Variants in SLC6A4 observed in about 807,000 individuals in gnomAD.
SLC6A4 encodes the protein solute carrier family 6 member 4.
Under a neutral mutation model 73.4 loss-of-function variants are expected in SLC6A4, and 22 were observed. The ratio of observed to expected loss-of-function variants is 0.30; its 90% CI spans 0.21 to 0.43. The LOEUF is 0.43. Ranked by LOEUF, SLC6A4 falls within the 20% of genes least tolerant of loss-of-function variation. SLC6A4 has a pLI of 1.00. For synonymous variants in SLC6A4, 270 were observed against 315.5 expected, an observed-to-expected ratio of 0.86 and a Z score of 1.53; for missense variants, 593 against 808.5, an observed-to-expected ratio of 0.73 and a Z score of 3.23.
rs184208973 is a variant in SLC6A4 at position 30,196,443 on chromosome 17, C to T, written c.*2013G>A. The T allele has an allele frequency of 3.3e-5, 5 of 151,872 alleles. No homozygotes were observed. Among genetic ancestry groups the T allele is most frequent in the East Asian group, 3.8e-4 (2 of 5,310 alleles). The allele number at this position is 151,872 out of a possible 1,614,324, so 9.4% of individuals were successfully genotyped here. Reference sequence around the variant, plus strand: ...TCCATTAATACCAGACTTGGCAAAACGCTAATTCTGTTTGAAAAGGTGTTT... The same window carrying T: ...TCCATTAATACCAGACTTGGCAAAATGCTAATTCTGTTTGAAAAGGTGTTT... On this transcript the variant is annotated 3_prime_UTR_variant, in exon 15 of 15. Transcript: ENST00000650711.
intron 1 of SLC6A4, among the ~76,000 whole-genome samples, chr17:30,224,267 G>T (rs1906862652): frequency 6.6e-6 from 1 of 151,072 alleles, no homozygotes; most frequent in Admixed American, 6.6e-5. Flanking sequence ...TGCCCAGGCT[G>T]GTGTGCAGTG....
At chr17:30,219,023 G>T in intron 3 of SLC6A4, 92 bp from the exon 4 acceptor site, 1 of 1,514,814 alleles carries the variant, frequency 6.6e-7, no homozygotes, top group Non-Finnish European at 9.1e-7. Context: ...GTCGCCGGAT[G>T]ATGTGAGTGT....
Position 30,209,136 on chromosome 17 carries a change from G to A in SLC6A4, c.1549+7C>T, listed in dbSNP as rs199915818. 8.3e-5 allele frequency: 133 copies of A among 1,605,016 alleles called. No individual in the cohort carries two copies. In the Admixed American group the frequency reaches 1.4e-3, roughly 17 times the overall value. On this transcript the variant is annotated splice_region_variant and intron_variant, in intron 12 of 14. Coordinates refer to ENST00000650711, the MANE Select transcript of SLC6A4 (RefSeq NM_001045.6). Reference sequence around the variant, plus strand: ...AGGGACCCAGCTGGCTGAAGGAAGCGTCTTACCATAGAACCAAGACACAGC... The same window carrying A: ...AGGGACCCAGCTGGCTGAAGGAAGCATCTTACCATAGAACCAAGACACAGC...
chr17:30,228,586 T>G (rs1444722101), intron 1 of SLC6A4, among the ~76,000 whole-genome samples: 1 of 152,134 alleles, frequency 6.6e-6, no homozygotes, highest in Non-Finnish European at 1.5e-5. Context: ...ATTCAAGAGA[T>G]CCACGTGGGC....
At chr17:30,225,753 G>A (rs1906905346) in intron 1 of SLC6A4, among the ~76,000 whole-genome samples, 1 of 152,154 alleles carries the variant, frequency 6.6e-6, no homozygotes, top group South Asian at 2.1e-4. Flanking sequence ...GCAGACAGAA[G>A]CTTCGTCCCC....
rs772426090 is a variant in SLC6A4 at position 30,203,167 on chromosome 17, C to T, written c.1818+5G>A. On this transcript the variant is annotated splice_donor_5th_base_variant and intron_variant, in intron 14 of 14. Transcript: ENST00000650711. ...ACACACATATACACACTAACTAGCACGTACCTCTTTAAATGTCCCTGGAGT... is the reference window on the plus strand; with the variant it reads ...ACACACATATACACACTAACTAGCATGTACCTCTTTAAATGTCCCTGGAGT... The T allele has an allele frequency of 3.1e-6, 5 of 1,608,964 alleles. No homozygotes were observed. In the African/African-American group the frequency reaches 4.0e-5, roughly 13 times the overall value.
intron 14 of SLC6A4, among the ~76,000 whole-genome samples, chr17:30,200,477 C>T (rs951544087): frequency 6.6e-5 from 10 of 152,226 alleles, no homozygotes; most frequent in African/African-American, 2.2e-4. Flanking sequence ...ATGACTCCAA[C>T]CGCAAGACTT....
At chr17:30,213,196 G>A (rs1463062073) in intron 8 of SLC6A4, among the ~76,000 whole-genome samples, 1 of 152,164 alleles carries the variant, frequency 6.6e-6, no homozygotes, top group African/African-American at 2.4e-5. Context: ...TGGAGTGGGG[G>A]CCAGGACAGG....
intron 1 of SLC6A4, among the ~76,000 whole-genome samples, chr17:30,233,159 C>T (rs1036732191): frequency 6.6e-6 from 1 of 152,168 alleles, no homozygotes; most frequent in Non-Finnish European, 1.5e-5. Context: ...GAGAAACAGG[C>T]GCTTTTATGA....
At chr17:30,213,973 T>C (rs867190550) in intron 8 of SLC6A4, among the ~76,000 whole-genome samples, 1 of 152,148 alleles carries the variant, frequency 6.6e-6, no homozygotes, top group Middle Eastern at 3.4e-3. Context: ...ACTCAAACTC[T>C]TAGGCTCAAG....
intron 14 of SLC6A4, among the ~76,000 whole-genome samples, chr17:30,202,124 A>G (rs16965581): frequency 0.086 from 13,013 of 152,106 alleles, 1,771 homozygotes; most frequent in African/African-American, 0.29. Flanking sequence ...TTAACTGCCT[A>G]TGTTCTCTTG....
intron 12 of SLC6A4, among the ~76,000 whole-genome samples, chr17:30,208,669 G>A (rs1906284551): frequency 6.6e-6 from 1 of 150,818 alleles, no homozygotes; most frequent in Non-Finnish European, 1.5e-5. Context: ...ACATGCAAAA[G>A]TGGTTTATTT....
intron 1 of SLC6A4, among the ~76,000 whole-genome samples, 187 bp from the exon 2 acceptor site, chr17:30,223,102 C>A (rs557698536): frequency 3.3e-4 from 51 of 152,252 alleles, no homozygotes; most frequent in African/African-American, 1.2e-3. Flanking sequence ...GAAATTTGAG[C>A]CCTTTTGGAC....
chr17:30,222,935 G>T lies in SLC6A4; in HGVS notation c.-220-20C>A. The stretch of plus-strand genomic sequence containing the variant: ...GGAGACCTAGGGAGAAGAGTGTGCA[G>T]GTTACTGATGCTGGGGTGGTTGGTG... On this transcript the variant is annotated intron_variant, in intron 1 of 14. Coordinates refer to ENST00000650711, the MANE Select transcript of SLC6A4 (RefSeq NM_001045.6). 1.1e-6 allele frequency: 1 copy of T among 876,040 alleles called. No homozygotes were observed. The highest frequency in any genetic ancestry group is 1.7e-6 in the Non-Finnish European group (1 of 602,652). The allele number at this position is 876,040 out of a possible 1,614,324, so 54.3% of individuals were successfully genotyped here. A position where few individuals can be genotyped will look rare whatever the true frequency, so the allele number is the denominator to read the frequency against.
Position 30,207,808 on chromosome 17 carries a change from A to G in SLC6A4, c.1574T>C (p.Val525Ala). Residue 525 changes from valine (V) to alanine (A), a missense_variant, in exon 13 of 15, where the codon GTG becomes GCG. Physicochemically the swap from Val to Ala is moderately conservative, Grantham distance 64 (BLOSUM62 0). Coordinates refer to ENST00000650711, the MANE Select transcript of SLC6A4 (RefSeq NM_001045.6). ...FYGITQFCRD[V>A]KEMLGFSPGW... ...CGGGCTGAAGCCGAGCATTTCCTTC[A>G]CGTCCCTGCAGAACTGAGTGATGCC... is the stretch of plus-strand genomic sequence containing the variant. The G allele has an allele frequency of 6.2e-7, 1 of 1,614,012 alleles. No individual in the cohort carries two copies. The highest frequency in any genetic ancestry group is 8.5e-7 in the Non-Finnish European group (1 of 1,179,968).
intron 1 of SLC6A4, among the ~76,000 whole-genome samples, chr17:30,230,772 C>T (rs902157034): frequency 2.0e-5 from 3 of 151,998 alleles, no homozygotes; most frequent in Non-Finnish European, 2.9e-5. Context: ...CTGGAGGAGA[C>T]GGGTGCATCC....
intron 2 of SLC6A4, 51 bp from the exon 3 acceptor site, chr17:30,222,132 A>G (rs909919742): frequency 8.3e-7 from 1 of 1,204,956 alleles, no homozygotes; most frequent in South Asian, 1.5e-5. Context: ...CATTTTACTC[A>G]TCTTTGGTAT....
rs529062347 is a variant in SLC6A4 at position 30,196,600 on chromosome 17, T to C, written c.*1856A>G. ...TTAGTGCAAAAGTAATCATGGTTTTTCTTTTGCACCAACTAATATTTACCA... is the reference window on the plus strand; with the variant it reads ...TTAGTGCAAAAGTAATCATGGTTTTCCTTTTGCACCAACTAATATTTACCA... On this transcript the variant is annotated 3_prime_UTR_variant, in exon 15 of 15. Coordinates refer to ENST00000650711, the MANE Select transcript of SLC6A4 (RefSeq NM_001045.6). 1 of 152,508 alleles carries C rather than the reference T, an allele frequency of 6.6e-6. No individual in the cohort carries two copies. The highest frequency in any genetic ancestry group is 2.1e-4 in the South Asian group (1 of 4,826). The allele number at this position is 152,508 out of a possible 1,614,324, so 9.4% of individuals were successfully genotyped here.
chr17:30,222,681 T>A, intron 2 of SLC6A4, 138 bp downstream of exon 2: 1 of 667,116 alleles, frequency 1.5e-6, no homozygotes, highest in South Asian at 1.5e-5. Context: ...ATTCTGTCAC[T>A]CGTCTTTTAG....
Sources: gnomAD v4.1 joint callset for allele counts (sites outside exome capture counted in the v4.1 genomes callset) on GRCh38, gnomAD v4.1.1 for gene constraint, MANE v1.5 for transcripts, NCBI Gene and HGNC (gene_info 2026-07-23, HGNC 2026-07-21) for gene names.